OR3A2: variants seen among roughly 807,000 people sequenced by gnomAD.
OR3A2 encodes olfactory receptor 3A2.
For synonymous variants in OR3A2, 126 were observed against 159.3 expected, an observed-to-expected ratio of 0.79 and a Z score of 1.57; for missense variants, 318 against 392.8, an observed-to-expected ratio of 0.81 and a Z score of 1.61.
chr17:3,297,653 G>A (rs918274822), intron 3 of OR3A2, among the ~76,000 whole-genome samples: 1 of 149,100 alleles, frequency 6.7e-6, no homozygotes, highest in Non-Finnish European at 1.5e-5. Context: ...ATTGTGGCTT[G>A]CCAACAGATT....
intron 2 of OR3A2, among the ~76,000 whole-genome samples, chr17:3,349,160 A>G (rs141714090): frequency 0.15 from 22,638 of 151,360 alleles, 2,263 homozygotes; most frequent in African/African-American, 0.28. Flanking sequence ...CATAATGACA[A>G]GATCAAATTC....
At chr17:3,326,554 CTTCTT>C (rs2049175307) in intron 3 of OR3A2, among the ~76,000 whole-genome samples, 2 of 143,132 alleles carry the variant, frequency 1.4e-5, no homozygotes, top group South Asian at 4.4e-4. Flanking sequence ...TTTTTTTTTT[CTTCTT>C]TTTTTTATTA....
intron 3 of OR3A2, among the ~76,000 whole-genome samples, chr17:3,329,333 T>C (rs2049208435): frequency 2.7e-5 from 4 of 149,866 alleles, no homozygotes; most frequent in South Asian, 4.3e-4. Context: ...TGTGAATCCA[T>C]CTGGTCCTGG....
chr17:3,278,516 G>C lies in OR3A2; in HGVS notation c.402C>G (p.Thr134=), dbSNP rs781101202. 196 of 1,613,802 alleles carry C rather than the reference G, an allele frequency of 1.2e-4. 2 individuals carry two copies. The Admixed American group carries it at 3.2e-3, about 26-fold the overall frequency. ...CTGTCTGACTCATGCGGGTGCTGTA[G>C]GTGAGGGGCTGGCAGATGGCCAGGA... The change falls in exon 2 of 2, where the codon ACC becomes ACG. Residue 134 remains threonine, a synonymous_variant. Coordinates refer to ENST00000642052, the Ensembl canonical transcript of OR3A2.
chr17:3,326,697 T>G, intron 3 of OR3A2, among the ~76,000 whole-genome samples: 1 of 88,996 alleles, frequency 1.1e-5, no homozygotes, highest in African/African-American at 4.5e-5. Context: ...ATGCTATCCC[T>G]CCCCCCTCCC....
chr17:3,335,236 A>G (rs1318321444), intron 3 of OR3A2, among the ~76,000 whole-genome samples: 4 of 152,116 alleles, frequency 2.6e-5, no homozygotes, highest in African/African-American at 7.2e-5. Flanking sequence ...TTTTCTGCAA[A>G]TATTTCTCCA....
At chr17:3,373,914 G>A (rs943009121) in intron 2 of OR3A2, among the ~76,000 whole-genome samples, 3 of 152,192 alleles carry the variant, frequency 2.0e-5, no homozygotes, top group South Asian at 4.2e-4. Context: ...TATGCTTTAA[G>A]GAGGTTCCAG....
At chr17:3,362,853 C>T (rs192573622) in intron 2 of OR3A2, among the ~76,000 whole-genome samples, 1 of 151,856 alleles carries the variant, frequency 6.6e-6, no homozygotes, top group African/African-American at 2.4e-5. Flanking sequence ...GTCTTCTGTG[C>T]ACCCACAGGC....
chr17:3,325,095 ATATCTTATGTTTTATAC>A (rs897356974), intron 3 of OR3A2, among the ~76,000 whole-genome samples: 5 of 147,850 alleles, frequency 3.4e-5, no homozygotes, highest in African/African-American at 1.0e-4. Context: ...TTTGTTTTTT[ATATCTTATGTTTTATAC>A]TTTCATATTC....
intron 2 of OR3A2, among the ~76,000 whole-genome samples, chr17:3,340,082 G>A (rs1412741535): frequency 6.6e-6 from 1 of 152,118 alleles, no homozygotes; most frequent in Non-Finnish European, 1.5e-5. Flanking sequence ...AGTATTCTCT[G>A]ATGGTGGTTT....
intron 2 of OR3A2, among the ~76,000 whole-genome samples, chr17:3,343,241 G>C (rs997987472): frequency 6.6e-6 from 1 of 152,096 alleles, no homozygotes; most frequent in African/African-American, 2.4e-5. Context: ...GCCCTGCTTC[G>C]GCTCACCCTC....
At chr17:3,321,988 C>T (rs1368999438) in intron 3 of OR3A2, among the ~76,000 whole-genome samples, 2 of 152,040 alleles carry the variant, frequency 1.3e-5, no homozygotes, top group African/African-American at 4.8e-5. Context: ...TGGTAGAATT[C>T]AGCTGTGAAT....
At chr17:3,332,980 G>A (rs2049250922) in intron 3 of OR3A2, among the ~76,000 whole-genome samples, 1 of 152,172 alleles carries the variant, frequency 6.6e-6, no homozygotes, top group Non-Finnish European at 1.5e-5. Context: ...TAAGGAACAA[G>A]GGAAGACAAC....
intron 3 of OR3A2, among the ~76,000 whole-genome samples, chr17:3,297,438 T>G (rs811696): frequency 0.47 from 70,343 of 151,252 alleles, 18,149 homozygotes; most frequent in East Asian, 0.95. Context: ...TTACTTTATC[T>G]GGAACATCCT....
intron 3 of OR3A2, among the ~76,000 whole-genome samples, chr17:3,323,322 CTG>C (rs1212700625): frequency 6.6e-6 from 1 of 151,966 alleles, no homozygotes; most frequent in African/African-American, 2.4e-5. Flanking sequence ...ATTTGCCAGT[CTG>C]TGTCTTTTAA....
chr17:3,353,482 C>T (rs1371645730), intron 2 of OR3A2, among the ~76,000 whole-genome samples: 2 of 151,672 alleles, frequency 1.3e-5, no homozygotes, highest in Admixed American at 6.6e-5. Context: ...CAGTATGATA[C>T]TATTCATAGC....
At chr17:3,292,058 A>C (rs771996382) in intron 3 of OR3A2, 1 of 1,614,224 alleles carries the variant, frequency 6.2e-7, no homozygotes, top group Non-Finnish European at 8.5e-7. Context: ...GATTGATCAC[A>C]TTGGGGCCAC....
At chr17:3,333,051 G>A (rs1370818744) in intron 3 of OR3A2, among the ~76,000 whole-genome samples, 1 of 152,172 alleles carries the variant, frequency 6.6e-6, no homozygotes, top group Non-Finnish European at 1.5e-5. Flanking sequence ...TTCTTGCAGA[G>A]AGCCTATAAA....
intron 3 of OR3A2, among the ~76,000 whole-genome samples, chr17:3,313,208 A>G (rs577768900): frequency 2.0e-5 from 3 of 152,310 alleles, no homozygotes; most frequent in Non-Finnish European, 4.4e-5. Flanking sequence ...CTTCCTGGAC[A>G]AGAAGTTGGA....
Sources: gnomAD v4.1 joint callset for allele counts (sites outside exome capture counted in the v4.1 genomes callset) on GRCh38, gnomAD v4.1.1 for gene constraint, MANE v1.5 for transcripts, NCBI Gene and HGNC (gene_info 2026-07-23, HGNC 2026-07-21) for gene names.